The following NSFL1C variants were observed in gnomAD, a reference collection of about 807,000 sequenced individuals.
NSFL1C encodes NSFL1 cofactor.
Under a neutral mutation model 43.1 loss-of-function variants are expected in NSFL1C, and 14 were observed. The ratio of observed to expected loss-of-function variants is 0.32; its 90% confidence interval spans 0.21 to 0.51. NSFL1C has a LOEUF of 0.51. Among genes scored for constraint, NSFL1C ranks in the 20% least tolerant of loss-of-function variants. NSFL1C has a pLI of 0.98. For missense variants in NSFL1C, 406 were observed against 472.5 expected, an observed-to-expected ratio of 0.86 and a Z score of 1.30; for synonymous variants, 171 against 183.5, an observed-to-expected ratio of 0.93 and a Z score of 0.55.
intron 5 of NSFL1C, among the ~76,000 whole-genome samples, chr20:1,453,513 C>T (rs191877024): frequency 6.6e-6 from 1 of 152,152 alleles, no homozygotes; most frequent in Admixed American, 6.5e-5. Flanking sequence ...GACTATTCCA[C>T]AGTCATTAAA....
At chr20:1,449,813 C>G (rs117252370) in intron 7 of NSFL1C, among the ~76,000 whole-genome samples, 100 of 152,232 alleles carry the variant, frequency 6.6e-4, no homozygotes, top group Middle Eastern at 6.8e-3. Flanking sequence ...TGAGACCAGC[C>G]ATCTTCTCCA....
chr20:1,462,936 T>G (rs2090444934), intron 2 of NSFL1C, among the ~76,000 whole-genome samples: 1 of 152,198 alleles, frequency 6.6e-6, no homozygotes, highest in Non-Finnish European at 1.5e-5. Context: ...TAACAACACA[T>G]GCTGTGTTCT....
At chr20:1,461,648 G>C (rs2090414246) in intron 2 of NSFL1C, among the ~76,000 whole-genome samples, 4 of 152,190 alleles carry the variant, frequency 2.6e-5, no homozygotes, top group Admixed American at 6.5e-5. Context: ...TTGGGGCTGA[G>C]AGCTGAAATG....
chr20:1,463,289 C>T (rs2090451635), intron 2 of NSFL1C: 1 of 152,202 alleles, frequency 6.6e-6, no homozygotes, highest in Non-Finnish European at 1.5e-5. Context: ...ACTCATACCC[C>T]AGAAAATCAG....
chr20:1,444,079 C>T (rs1418942236), intron 8 of NSFL1C, among the ~76,000 whole-genome samples, 168 bp from the exon 9 acceptor site: 1 of 152,224 alleles, frequency 6.6e-6, no homozygotes, highest in Admixed American at 6.5e-5. Context: ...AAGAGTCCTT[C>T]ACTGTTGTTT....
intron 7 of NSFL1C, among the ~76,000 whole-genome samples, chr20:1,450,227 G>C (rs2090156266): frequency 6.6e-6 from 1 of 152,046 alleles, no homozygotes; most frequent in Non-Finnish European, 1.5e-5. Flanking sequence ...TGATCATTTT[G>C]GTTCACAAGA....
At chr20:1,448,333 G>A (rs1212749352) in intron 7 of NSFL1C, among the ~76,000 whole-genome samples, 1 of 152,226 alleles carries the variant, frequency 6.6e-6, no homozygotes, top group African/African-American at 2.4e-5. Context: ...CCTTAAGCAA[G>A]TCACAACTTC....
chr20:1,461,691 C>G (rs2090415060), intron 2 of NSFL1C, among the ~76,000 whole-genome samples: 1 of 152,096 alleles, frequency 6.6e-6, no homozygotes, highest in Non-Finnish European at 1.5e-5. Flanking sequence ...CACTTAAATC[C>G]TTGTTTTACT....
intron 8 of NSFL1C, 99 bp downstream of exon 8, chr20:1,445,567 C>A (rs2090040225): frequency 7.3e-7 from 1 of 1,373,180 alleles, no homozygotes; most frequent in South Asian, 1.3e-5. Context: ...GGAGTGCCTG[C>A]TGGTATTTAG....
In NSFL1C at chr20:1,442,629, G is replaced by T. The variant is rs1568608150; in HGVS notation, c.*1120C>A. The T allele has an allele frequency of 6.6e-6, 1 of 152,206 alleles. No individual in the cohort carries two copies. The highest frequency in any genetic ancestry group is 2.1e-4 in the South Asian group (1 of 4,832). The allele number at this position is 152,206 out of a possible 1,614,324, so 9.4% of individuals were successfully genotyped here. ...ATCAAACTTATAGGGGTGGTGGAGG[G>T]TCTTTACCAGGCTAGGACTACTGCC... On this transcript the variant is annotated 3_prime_UTR_variant, in exon 9 of 9. Coordinates refer to ENST00000216879, the MANE Select transcript of NSFL1C (RefSeq NM_016143.5).
chr20:1,445,974 T>C, intron 7 of NSFL1C, 144 bp from the exon 8 acceptor site: 1 of 879,250 alleles, frequency 1.1e-6, no homozygotes, highest in South Asian at 1.6e-5. Flanking sequence ...ACAGGGAAAA[T>C]CGTGCCCTTA....
rs1282209592 is a variant in NSFL1C at position 1,452,535 on chromosome 20, C to A, written c.743G>T (p.Gly248Val). The change falls in exon 7 of 9, where the codon GGA becomes GTA. Residue 248 changes from glycine (G) to valine (V), a missense_variant. By Grantham distance (109) the Gly-to-Val change is moderately radical. Around this residue, in one of 3 missense-constraint regions of NSFL1C, gnomAD observed 196 missense variants for 228.0 expected, o/e 0.86. Coordinates refer to ENST00000216879, the MANE Select transcript of NSFL1C (RefSeq NM_016143.5). ...HRDEDFVKPK[G>V]AFKAFTGEGQ... ...CTCGCCAGTGAAGGCTTTGAAGGCTCCTTTGGGCTTCACAAAGTCCTCGTC... is the reference window on the plus strand; with the variant it reads ...CTCGCCAGTGAAGGCTTTGAAGGCTACTTTGGGCTTCACAAAGTCCTCGTC... 6.2e-7 allele frequency: 1 copy of A among 1,614,096 alleles called. No individual in the cohort carries two copies.
At chr20:1,457,581 A>G (rs924071096) in intron 3 of NSFL1C, among the ~76,000 whole-genome samples, 82 of 152,148 alleles carry the variant, frequency 5.4e-4, no homozygotes, top group African/African-American at 1.9e-3. Flanking sequence ...ATACCCTTTG[A>G]CCACCATCTC....
At chr20:1,466,678 C>T in intron 1 of NSFL1C, 42 bp downstream of exon 1, 2 of 1,509,408 alleles carry the variant, frequency 1.3e-6, no homozygotes, top group South Asian at 1.2e-5. Context: ...CCGCTCCCAG[C>T]AGTCCCCGGC....
intron 6 of NSFL1C, 70 bp from the exon 7 acceptor site, chr20:1,452,700 G>A (rs896784612): frequency 3.8e-6 from 6 of 1,584,872 alleles, no homozygotes; most frequent in African/African-American, 1.3e-5. Flanking sequence ...GAAAAGGGGA[G>A]AAGAAACCTC....
intron 3 of NSFL1C, 147 bp from the exon 4 acceptor site, chr20:1,455,279 G>C: frequency 1.1e-6 from 1 of 901,826 alleles, no homozygotes; most frequent in Non-Finnish European, 1.8e-6. Flanking sequence ...CATGGAAGGA[G>C]GCAAGCAGGT....
chr20:1,455,186 G>A, intron 3 of NSFL1C, 54 bp from the exon 4 acceptor site: 5 of 1,598,924 alleles, frequency 3.1e-6, no homozygotes, highest in Non-Finnish European at 4.3e-6. Context: ...CATGAATAGA[G>A]CATGTGCCAG....
intron 5 of NSFL1C, 139 bp downstream of exon 5, chr20:1,454,074 G>A (rs1189428325): frequency 1.2e-5 from 8 of 668,236 alleles, no homozygotes; most frequent in Middle Eastern, 3.8e-4. Context: ...GTCTTTGTTC[G>A]TGAACCACAG....
At chr20:1,449,571 C>T (rs2090142137) in intron 7 of NSFL1C, among the ~76,000 whole-genome samples, 1 of 152,210 alleles carries the variant, frequency 6.6e-6, no homozygotes, top group Admixed American at 6.5e-5. Context: ...AACAGCTGGG[C>T]TACTGCTCCC....
Sources: gnomAD v4.1 joint callset for allele counts (sites outside exome capture counted in the v4.1 genomes callset) on GRCh38, gnomAD v4.1.1 for gene constraint, gnomAD v4.1.1 regional missense constraint, MANE v1.5 for transcripts, NCBI Gene and HGNC (gene_info 2026-07-23, HGNC 2026-07-21) for gene names.